LSAMP: variants seen among roughly 807,000 people sequenced by gnomAD.
LSAMP encodes the protein limbic system-associated membrane protein.
Under a neutral mutation model 38.6 loss-of-function variants are expected in LSAMP, and 7 were observed. The observed-to-expected ratio is 0.18, with a 90% CI of 0.10 to 0.34. The LOEUF (loss-of-function observed/expected upper bound fraction) is 0.34. Ranked by LOEUF, LSAMP falls within the 10% of genes least tolerant of loss-of-function variation. The probability of loss-of-function intolerance (pLI) is 1.00; values close to 1 mark genes in which losing one functional copy is unlikely to be tolerated. For synonymous variants in LSAMP, 154 were observed against 166.8 expected (o/e 0.92, Z 0.59); for missense variants, 313 against 420.0 (o/e 0.75, Z 2.23).
intron 1 of LSAMP, among the ~76,000 whole-genome samples, chr3:116,284,747 A>G (rs2047171995): frequency 6.6e-6 from 1 of 152,232 alleles, no homozygotes. Flanking sequence ...CTCAATCCAA[A>G]GAACACAAAG....
At chr3:115,907,264 A>G (rs1937028948) in intron 3 of LSAMP, among the ~76,000 whole-genome samples, 1 of 152,018 alleles carries the variant, frequency 6.6e-6, no homozygotes, top group East Asian at 1.9e-4. Context: ...CATAAAATTT[A>G]TATGTTGCAA....
At chr3:115,865,504 A>T (rs973064714) in intron 3 of LSAMP, among the ~76,000 whole-genome samples, 1 of 152,190 alleles carries the variant, frequency 6.6e-6, no homozygotes, top group Non-Finnish European at 1.5e-5. Context: ...CTTTCACTTT[A>T]AAAAATTACA....
At chr3:116,100,630 C>T (rs546789283) in intron 1 of LSAMP, among the ~76,000 whole-genome samples, 2 of 152,252 alleles carry the variant, frequency 1.3e-5, no homozygotes, top group South Asian at 4.1e-4. Flanking sequence ...TATCCCCTTA[C>T]CCACAGCTAT....
At chr3:116,300,012 T>G (rs1355878607) in intron 1 of LSAMP, among the ~76,000 whole-genome samples, 2 of 152,214 alleles carry the variant, frequency 1.3e-5, no homozygotes, top group Non-Finnish European at 2.9e-5. Context: ...CTGTTAACCG[T>G]GTCGCCTGAG....
At chr3:115,810,559 G>A in intron 6 of LSAMP, 145 bp from the exon 7 acceptor site, 1 of 679,464 alleles carries the variant, frequency 1.5e-6, no homozygotes. Flanking sequence ...AGCCCAAGAA[G>A]CGCTCAAAAC....
At chr3:116,223,940 G>A (rs747402684) in intron 1 of LSAMP, among the ~76,000 whole-genome samples, 15 of 152,022 alleles carry the variant, frequency 9.9e-5, no homozygotes, top group Non-Finnish European at 1.9e-4. Context: ...ATATTTTAAA[G>A]TGGCTTCTTT....
intron 1 of LSAMP, among the ~76,000 whole-genome samples, chr3:116,141,611 A>G (rs1313121081): frequency 6.6e-6 from 1 of 151,824 alleles, no homozygotes; most frequent in Non-Finnish European, 1.5e-5. Flanking sequence ...ATAGCAATGG[A>G]ATCATGGCAC....
intron 1 of LSAMP, among the ~76,000 whole-genome samples, chr3:116,105,187 A>G (rs1237637228): frequency 6.6e-6 from 1 of 151,950 alleles, no homozygotes; most frequent in East Asian, 1.9e-4. Context: ...GAAAAAAAAA[A>G]AAACTGCCAC....
chr3:116,177,109 T>A (rs920845776), intron 1 of LSAMP, among the ~76,000 whole-genome samples: 20 of 152,122 alleles, frequency 1.3e-4, no homozygotes, highest in Non-Finnish European at 2.1e-4. Flanking sequence ...ATGCTAGAAG[T>A]CCTTGGAATA....
chr3:116,367,085 C>T (rs901533153), intron 1 of LSAMP, among the ~76,000 whole-genome samples: 3 of 152,126 alleles, frequency 2.0e-5, no homozygotes, highest in Admixed American at 6.5e-5. Context: ...GATTAACAAA[C>T]CATTCCATAA....
At chr3:116,218,127 T>A (rs1447712501) in intron 1 of LSAMP, among the ~76,000 whole-genome samples, 1 of 152,052 alleles carries the variant, frequency 6.6e-6, no homozygotes, top group Admixed American at 6.6e-5. Context: ...GGTGGGAGAA[T>A]TAAAGAGAAG....
At chr3:115,932,430 G>A (rs1317517941) in intron 3 of LSAMP, among the ~76,000 whole-genome samples, 1 of 152,168 alleles carries the variant, frequency 6.6e-6, no homozygotes, top group African/African-American at 2.4e-5. Flanking sequence ...AACGTTTTCT[G>A]GTGAGAAAGG....
At chr3:115,964,297 A>G (rs1938725620) in intron 3 of LSAMP, among the ~76,000 whole-genome samples, 1 of 152,186 alleles carries the variant, frequency 6.6e-6, no homozygotes, top group Non-Finnish European at 1.5e-5. Flanking sequence ...CAACTAGAGT[A>G]AGCTTTGGGC....
intron 1 of LSAMP, among the ~76,000 whole-genome samples, chr3:116,425,142 A>C (rs2049178067): frequency 6.6e-6 from 1 of 152,202 alleles, no homozygotes; most frequent in Non-Finnish European, 1.5e-5. Flanking sequence ...ATTATCACCC[A>C]AAATTAGCAA....
At chr3:116,075,669 T>C (rs6771906) in intron 2 of LSAMP, among the ~76,000 whole-genome samples, 12,387 of 151,652 alleles carry the variant, frequency 0.082, 1,644 homozygotes, top group African/African-American at 0.28. Context: ...GCTTCCCAAG[T>C]AGCTGGGACT....
intron 3 of LSAMP, among the ~76,000 whole-genome samples, chr3:115,951,207 G>A (rs111774352): frequency 0.033 from 5,041 of 152,214 alleles, 270 homozygotes; most frequent in African/African-American, 0.11. Flanking sequence ...CTAGACATTG[G>A]CTTAGGCAAA....
chr3:116,059,885 T>C (rs1178132405), intron 2 of LSAMP, among the ~76,000 whole-genome samples: 6 of 152,188 alleles, frequency 3.9e-5, no homozygotes, highest in Admixed American at 3.9e-4. Flanking sequence ...CAGCTGTGTA[T>C]GCAGCCCTCC....
intron 2 of LSAMP, among the ~76,000 whole-genome samples, chr3:116,020,689 C>G (rs992256787): frequency 6.6e-6 from 1 of 152,168 alleles, no homozygotes; most frequent in Non-Finnish European, 1.5e-5. Flanking sequence ...TTAGATCACA[C>G]GTCGGTAGGC....
At chr3:116,387,633 T>C (rs1184035255) in intron 1 of LSAMP, among the ~76,000 whole-genome samples, 3 of 152,036 alleles carry the variant, frequency 2.0e-5, no homozygotes, top group African/African-American at 4.8e-5. Flanking sequence ...ATGGAAAAGA[T>C]GGTAAGTTGG....
Sources: allele counts gnomAD v4.1 joint callset (sites outside exome capture counted in the v4.1 genomes callset), GRCh38; gene constraint gnomAD v4.1.1; transcripts MANE v1.5; gene names NCBI Gene and HGNC (gene_info 2026-07-23, HGNC 2026-07-21).